The following CR1 variants were observed in gnomAD, a reference collection of about 807,000 sequenced individuals.
The protein encoded by CR1 is complement receptor type 1.
A neutral mutation model predicts 187.3 loss-of-function variants in CR1; 116 were observed. The observed-to-expected ratio is 0.62, with a 90% CI of 0.53 to 0.72. The LOEUF (loss-of-function observed/expected upper bound fraction) is 0.72, where lower values mean the gene tolerates loss of function less well. CR1 is among the 30% of genes least tolerant of loss of function. The pLI is 0.00. For synonymous variants in CR1, 576 were observed against 747.1 expected (o/e 0.77, Z 3.73); for missense variants, 1,731 against 2,110.7 (o/e 0.82, Z 3.52).
At chr1:207,619,275 C>T (rs1272608298) in intron 42 of CR1, among the ~76,000 whole-genome samples, 4 of 148,952 alleles carry the variant, frequency 2.7e-5, no homozygotes, top group Non-Finnish European at 4.4e-5. Context: ...CCCACCTACC[C>T]GGGAGGCTGA....
intron 35 of CR1, among the ~76,000 whole-genome samples, chr1:207,597,603 GT>G: frequency 6.6e-6 from 1 of 152,336 alleles, no homozygotes; most frequent in South Asian, 2.1e-4. Flanking sequence ...AATAAAAGGT[GT>G]TGGCGAGGAT....
In CR1 at chr1:207,640,553, TG is replaced by T. The variant is rs1386908435; in HGVS notation, c.*1145del. ...TATTATAAAAGTACTAGCTTACTTT[TG>T]TATGGATTCAGAATATACTAAATTA... On this transcript the variant is annotated 3_prime_UTR_variant, in exon 47 of 47. Transcript: ENST00000367049. 6.0e-4 allele frequency: 91 copies of T among 152,376 alleles called. No individual in the cohort carries two copies. The highest frequency in any genetic ancestry group is 2.1e-3 in the African/African-American group (88 of 41,594). 9.4% of individuals were successfully genotyped at this position (152,376 alleles called of 1,614,324 possible).
intron 46 of CR1, among the ~76,000 whole-genome samples, chr1:207,633,634 C>T (rs1662718382): frequency 6.6e-6 from 1 of 152,176 alleles, no homozygotes; most frequent in Non-Finnish European, 1.5e-5. Flanking sequence ...CTTTTCCATG[C>T]TAAATTAACT....
chr1:207,617,912 G>T (rs1411789499), intron 41 of CR1, among the ~76,000 whole-genome samples, 159 bp from the exon 42 acceptor site: 1 of 152,024 alleles, frequency 6.6e-6, no homozygotes, highest in Admixed American at 6.6e-5. Flanking sequence ...TAGAGAACCC[G>T]TCTTTCACTG....
intron 35 of CR1, among the ~76,000 whole-genome samples, chr1:207,589,325 G>A (rs1326972101): frequency 2.0e-5 from 3 of 152,082 alleles, no homozygotes; most frequent in Non-Finnish European, 4.4e-5. Flanking sequence ...AAAAACTCTG[G>A]AGTGGACCTC....
At position 207,524,065 on chromosome 1, in the gene CR1, T is replaced by C. The variant is rs1485816357; in HGVS notation, c.886+56T>C. On this transcript the variant is annotated intron_variant, in intron 5 of 46. Coordinates refer to ENST00000367049, the MANE Select transcript of CR1 (RefSeq NM_000651.6). ...GCCAGTGACATGCGTTGCTGTTGGA[T>C]CAGGAGATTAGTATTTGTTCAGGGG... 1.9e-6 allele frequency: 3 copies of C among 1,611,482 alleles called. No individual in the cohort carries two copies. The Admixed American group carries it at 5.0e-5, about 27-fold the overall frequency.
chr1:207,526,260 A>G (rs1660167344), intron 5 of CR1, among the ~76,000 whole-genome samples: 1 of 151,986 alleles, frequency 6.6e-6, no homozygotes, highest in Non-Finnish European at 1.5e-5. Flanking sequence ...ACTTGAAAGG[A>G]GATGAGCATA....
chr1:207,574,034 A>G (rs563523589), intron 27 of CR1, among the ~76,000 whole-genome samples: 64 of 152,244 alleles, frequency 4.2e-4, no homozygotes, highest in African/African-American at 1.2e-3. Flanking sequence ...GCAGGAGACT[A>G]AAGTGGGAGG....
rs533198922 is a variant in CR1, at chr1:207,600,982, T to A, written c.5811-6269T>A. 10 of 152,280 alleles carry A rather than the reference T, an allele frequency of 6.6e-5. No homozygotes were observed. The South Asian group carries it at 2.1e-3, about 32-fold the overall frequency. The allele number at this position is 152,280 out of a possible 1,614,324, so 9.4% of individuals were successfully genotyped here. A position where few individuals can be genotyped will look rare whatever the true frequency, so the allele number is the denominator to read the frequency against. ...AGAGAAATTTTTCAATCCTTTTTGTTACTTGACAGGAAAAAATTCAAATAA... is the reference window on the plus strand; with the variant it reads ...AGAGAAATTTTTCAATCCTTTTTGTAACTTGACAGGAAAAAATTCAAATAA... On this transcript the variant is annotated intron_variant, in intron 35 of 46. Transcript: ENST00000367049.
chr1:207,615,314 G>A (rs56176143), intron 40 of CR1, among the ~76,000 whole-genome samples: 10,725 of 151,938 alleles, frequency 0.071, 1,274 homozygotes, highest in African/African-American at 0.24. Flanking sequence ...CTATGAACAA[G>A]GAAATAAATA....
At chr1:207,610,612 C>G (rs1046505699) in intron 37 of CR1, among the ~76,000 whole-genome samples, 4 of 152,118 alleles carry the variant, frequency 2.6e-5, no homozygotes, top group African/African-American at 9.7e-5. Flanking sequence ...GATTTCAGGC[C>G]TGAGCCACCA....
chr1:207,618,344 G>A, intron 42 of CR1, 97 bp downstream of exon 42: 2 of 1,139,422 alleles, frequency 1.8e-6, no homozygotes, highest in South Asian at 1.9e-5. Context: ...TAATGAAAGG[G>A]ATAATATTTT....
Position 207,578,065 on chromosome 1 carries a change from T to G in CR1, c.4798T>G (p.Ser1600Ala), listed in dbSNP as rs2102339182. The G allele has an allele frequency of 6.2e-7, 1 of 1,611,714 alleles. No homozygotes were observed. The highest frequency in any genetic ancestry group is 8.5e-7 in the Non-Finnish European group (1 of 1,179,616). Residue 1600 changes from serine (S) to alanine (A), a missense_variant, in exon 29 of 47, where the codon TCT (serine) becomes GCT (alanine). Around this residue, in one of 5 missense-constraint regions of CR1, gnomAD observed 1,312 missense variants for 1,379.6 expected, o/e 0.95. Transcript: ENST00000367049. ...PPNVENGILV[S>A]DNRSLFSLNE... ...AAATGTGGAAAATGGAATATTGGTA[T>G]CTGACAACAGAAGCTTATTTTCCTT...
chr1:207,633,761 C>T (rs894019850), intron 46 of CR1, among the ~76,000 whole-genome samples: 1 of 152,198 alleles, frequency 6.6e-6, no homozygotes, highest in African/African-American at 2.4e-5. Flanking sequence ...TCATGCACGT[C>T]CCTGTGAAGA....
rs775212780 is a variant in CR1, at chr1:207,575,667, G to A, written c.4524G>A (p.Pro1508=). The A allele has an allele frequency of 2.7e-5, 44 of 1,611,656 alleles. No homozygotes were observed. Among genetic ancestry groups the A allele is most frequent in the Admixed American group, 6.7e-5 (4 of 59,992 alleles). ...ATACTGCCCATTGGAGCACGAAGCC[G>A]CCAATTTGTCAACGTGAGTTGAAAT... The part of the protein sequence containing the change: ...SGNTAHWSTK[P]PICQRIPCGL... Residue 1508 remains proline (P), a synonymous_variant, in exon 28 of 47, where the codon CCG becomes CCA. Coordinates refer to ENST00000367049, the MANE Select transcript of CR1 (RefSeq NM_000651.6).
In CR1 at chr1:207,577,926, G is replaced by T. The variant is rs774860182; in HGVS notation, c.4659G>T (p.Lys1553Asn). The change falls in exon 29 of 47, where the codon AAG becomes AAT. Residue 1553 changes from lysine (K) to asparagine (N), a missense_variant. By Grantham distance (94) the Lys-to-Asn change is moderately conservative. Around this residue, in one of 5 missense-constraint regions of CR1, gnomAD observed 1,312 missense variants for 1,379.6 expected, o/e 0.95. Transcript: ENST00000367049. ...GCAATCTTGGAAGCAGAGGGAGAAAGGTGTTTGAGCTTGTGGGTGAGCCCT... is the reference window on the plus strand; with the variant it reads ...GCAATCTTGGAAGCAGAGGGAGAAATGTGTTTGAGCTTGTGGGTGAGCCCT... The part of the protein sequence containing the change: ...YRCNLGSRGR[K>N]VFELVGEPSI... 2.5e-6 allele frequency: 4 copies of T among 1,612,428 alleles called. No individual in the cohort carries two copies. Among genetic ancestry groups the T allele is most frequent in the East Asian group, 4.5e-5 (2 of 44,884 alleles).
At chr1:207,631,891 TCCTA>T (rs1662656208) in intron 46 of CR1, among the ~76,000 whole-genome samples, 1 of 152,208 alleles carries the variant, frequency 6.6e-6, no homozygotes. Flanking sequence ...TTTCTTTATG[TCCTA>T]CCTCTTTCTC....
intron 45 of CR1, among the ~76,000 whole-genome samples, chr1:207,624,984 C>T (rs1344644774): frequency 6.6e-6 from 1 of 152,150 alleles, no homozygotes; most frequent in Non-Finnish European, 1.5e-5. Flanking sequence ...ATTATCTCCA[C>T]CCTTCTAACT....
intron 23 of CR1, among the ~76,000 whole-genome samples, 163 bp downstream of exon 23, chr1:207,564,397 A>G (rs1660421375): frequency 1.3e-5 from 2 of 149,614 alleles, no homozygotes; most frequent in Admixed American, 1.3e-4. Flanking sequence ...GGAAAGAAAC[A>G]TATAGAACTA....
Sources: gnomAD v4.1 joint callset for allele counts (sites outside exome capture counted in the v4.1 genomes callset) on GRCh38, gnomAD v4.1.1 for gene constraint, gnomAD v4.1.1 regional missense constraint, MANE v1.5 for transcripts, NCBI Gene and HGNC (gene_info 2026-07-23, HGNC 2026-07-21) for gene names.